RAB11FIP3: variants seen among roughly 807,000 people sequenced by gnomAD.
RAB11FIP3 encodes the protein RAB11 family interacting protein 3.
Under a neutral mutation model 77.8 loss-of-function variants are expected in RAB11FIP3, and 17 were observed. The observed-to-expected ratio is 0.22, with a 90% CI of 0.15 to 0.33. RAB11FIP3 has a LOEUF of 0.33. RAB11FIP3 is among the 10% of genes least tolerant of loss of function. The probability of loss-of-function intolerance (pLI) is 1.00; values close to 1 mark genes in which losing one functional copy is unlikely to be tolerated. For synonymous variants in RAB11FIP3, 437 were observed against 448.2 expected (o/e 0.98, Z 0.31); for missense variants, 1,005 against 1,011.2 (o/e 0.99, Z 0.08).
chr16:496,781 GTCTGT>G (rs1253097568), intron 5 of RAB11FIP3, 38 bp from the exon 6 acceptor site: 5 of 1,544,624 alleles, frequency 3.2e-6, no homozygotes, highest in Non-Finnish European at 4.5e-6. Context: ...GCTCCTCTCT[GTCTGT>G]TCTAACAATT....
intron 6 of RAB11FIP3, among the ~76,000 whole-genome samples, chr16:500,425 G>A (rs990390830): frequency 6.6e-5 from 10 of 152,112 alleles, no homozygotes; most frequent in Non-Finnish European, 1.2e-4. Context: ...GTTCACGCCT[G>A]TACTCCCAGC....
Position 458,495 on chromosome 16 carries a change from C to CTGGGGGGCCTTCCTCAGATTCACT in RAB11FIP3, c.715-2909_715-2908insTGGGGGGCCTTCCTCAGATTCACT, listed in dbSNP as rs2055542939. 1.2e-4 allele frequency among the ~76,000 whole-genome samples: 4 copies of CTGGGGGGCCTTCCTCAGATTCACT among 32,016 alleles called. 1 individual carries two copies. Among genetic ancestry groups the CTGGGGGGCCTTCCTCAGATTCACT allele is most frequent in the African/African-American group, 3.2e-4 (4 of 12,586 alleles). The allele number at this position is 32,016 out of a possible 152,430, so 21.0% of individuals were successfully genotyped here. On this transcript the variant is annotated intron_variant, in intron 1 of 13. Coordinates refer to ENST00000262305, the MANE Select transcript of RAB11FIP3 (RefSeq NM_014700.4). ...CCTGGGGGGCCTTCCTCGGGTTCACCGATGCCCACAGGGCCTGGGGGGCCT... is the reference window on the plus strand; with the variant it reads ...CCTGGGGGGCCTTCCTCGGGTTCACCTGGGGGGCCTTCCTCAGATTCACTGATGCCCACAGGGCCTGGGGGGCCT...
At position 522,509 on chromosome 16, in the gene RAB11FIP3, G is replaced by C. The variant is rs920459637; in HGVS notation, c.*1670G>C. On this transcript the variant is annotated 3_prime_UTR_variant, in exon 14 of 14. Coordinates refer to ENST00000262305, the MANE Select transcript of RAB11FIP3 (RefSeq NM_014700.4). ...CAGAGGCCGGCTTCTTCCTCCAGGG[G>C]GGCCACAGGGTGGGGTGGGAGTCTT... 6.6e-6 allele frequency: 1 copy of C among 152,214 alleles called. No individual in the cohort carries two copies. The highest frequency in any genetic ancestry group is 2.4e-5 in the African/African-American group (1 of 41,450). 9.4% of individuals were successfully genotyped at this position (152,214 alleles called of 1,614,324 possible). A position where few individuals can be genotyped will look rare whatever the true frequency, so the allele number is the denominator to read the frequency against.
At chr16:441,729 CCCTT>C (rs2055230228) in intron 1 of RAB11FIP3, among the ~76,000 whole-genome samples, 2 of 152,192 alleles carry the variant, frequency 1.3e-5, no homozygotes, top group Non-Finnish European at 2.9e-5. Context: ...ACACCAGGCA[CCCTT>C]CCTTCTGTGA....
At chr16:430,921 A>C (rs11859979) in intron 1 of RAB11FIP3, among the ~76,000 whole-genome samples, 12,105 of 152,286 alleles carry the variant, frequency 0.079, 554 homozygotes, top group East Asian at 0.2. Flanking sequence ...TCCCAGGCTC[A>C]AGCGACCGTC....
chr16:455,727 C>G (rs1423403469), intron 1 of RAB11FIP3, among the ~76,000 whole-genome samples: 1 of 152,092 alleles, frequency 6.6e-6, no homozygotes, highest in Non-Finnish European at 1.5e-5. Context: ...TTCCAAGTAG[C>G]TGGAACTACT....
intron 2 of RAB11FIP3, among the ~76,000 whole-genome samples, chr16:468,154 A>T (rs113559529): frequency 4.5e-4 from 22 of 49,286 alleles, no homozygotes; most frequent in East Asian, 2.5e-3. Flanking sequence ...GAGGAGGTGC[A>T]GGGGCCTCAG....
Position 519,027 on chromosome 16 carries a change from G to C in RAB11FIP3, c.1722+3G>C, listed in dbSNP as rs1199433606. 6.2e-7 allele frequency: 1 copy of C among 1,613,116 alleles called. No individual in the cohort carries two copies. The highest frequency in any genetic ancestry group is 2.2e-5 in the East Asian group (1 of 44,886). ...CCAACATTGAGCGTCTGGAGGAGGTGAGCTGCCAACAGCCTGGAGCTGTGG... is the reference window on the plus strand; with the variant it reads ...CCAACATTGAGCGTCTGGAGGAGGTCAGCTGCCAACAGCCTGGAGCTGTGG... On this transcript the variant is annotated splice_donor_region_variant and intron_variant, in intron 10 of 13. Transcript: ENST00000262305.
At chr16:516,043 C>T (rs757387100) in intron 9 of RAB11FIP3, among the ~76,000 whole-genome samples, 6 of 152,184 alleles carry the variant, frequency 3.9e-5, no homozygotes, top group Admixed American at 6.5e-5. Flanking sequence ...GTGCCTGTCC[C>T]GGGCACCCCG....
chr16:486,625 C>T (rs886773687), intron 4 of RAB11FIP3, among the ~76,000 whole-genome samples: 1 of 152,268 alleles, frequency 6.6e-6, no homozygotes, highest in Non-Finnish European at 1.5e-5. Context: ...CGTCTGGGTG[C>T]AGACCGTCCG....
chr16:471,883 G>A lies in RAB11FIP3; in HGVS notation c.903+494G>A, dbSNP rs2055815990. ...TGTTCTCAACATAGCTGGGGAGAGG[G>A]TCTTCGAGCACAGCCGTGGTCGACA... On this transcript the variant is annotated intron_variant, in intron 3 of 13. Coordinates refer to ENST00000262305, the MANE Select transcript of RAB11FIP3 (RefSeq NM_014700.4). This position sits in a 1 kb window ranked among gnomAD's most constrained non-coding sequence, Gnocchi z 4.4. 6.6e-6 allele frequency among the ~76,000 whole-genome samples: 1 copy of A among 152,148 alleles called. No homozygotes were observed. The highest frequency in any genetic ancestry group is 6.5e-5 in the Admixed American group (1 of 15,286).
At chr16:437,726 A>G (rs2055154602) in intron 1 of RAB11FIP3, among the ~76,000 whole-genome samples, 1 of 152,168 alleles carries the variant, frequency 6.6e-6, no homozygotes, top group African/African-American at 2.4e-5. Context: ...AGCGCGCAAG[A>G]CTGTTATGTC....
intron 6 of RAB11FIP3, among the ~76,000 whole-genome samples, chr16:502,303 A>G (rs937494435): frequency 6.6e-6 from 1 of 152,232 alleles, no homozygotes; most frequent in African/African-American, 2.4e-5. Flanking sequence ...GCCGCAGCCT[A>G]TGGGCCTTTG....
chr16:512,048 G>A (rs905330896), intron 9 of RAB11FIP3, among the ~76,000 whole-genome samples: 33 of 151,608 alleles, frequency 2.2e-4, no homozygotes, highest in South Asian at 6.3e-4. Flanking sequence ...CCCCAGAACC[G>A]GCAGTGGCTA....
chr16:460,234 A>G (rs767568633), intron 1 of RAB11FIP3, among the ~76,000 whole-genome samples: 15 of 152,120 alleles, frequency 9.9e-5, no homozygotes, highest in Non-Finnish European at 2.2e-4. Context: ...AAGTCATTTA[A>G]CAGATATATG....
intron 5 of RAB11FIP3, among the ~76,000 whole-genome samples, chr16:494,541 G>T (rs1401368519): frequency 6.6e-6 from 1 of 151,848 alleles, no homozygotes; most frequent in Non-Finnish European, 1.5e-5. Context: ...AGAATGGCGT[G>T]AACCCGGGAG....
rs148140351 is a variant in RAB11FIP3, at chr16:453,321, G to A, written c.715-8083G>A. On this transcript the variant is annotated intron_variant, in intron 1 of 13. Coordinates refer to ENST00000262305, the MANE Select transcript of RAB11FIP3 (RefSeq NM_014700.4). ...AATCTCCTGACTTCGTGATCCACTC[G>A]CCTTGGCCTCCCAAAGTGTTGGGAT... is the stretch of plus-strand genomic sequence containing the variant. 2,179 of 152,268 alleles carry A rather than the reference G, an allele frequency of 0.014. 88 individuals carry two copies. In the East Asian group the frequency reaches 0.15, roughly 10 times the overall value. 9.4% of individuals were successfully genotyped at this position (152,268 alleles called of 1,614,324 possible). A position where few individuals can be genotyped will look rare whatever the true frequency, so the allele number is the denominator to read the frequency against.
At chr16:454,455 T>G (rs2141623875) in intron 1 of RAB11FIP3, among the ~76,000 whole-genome samples, 1 of 152,292 alleles carries the variant, frequency 6.6e-6, no homozygotes, top group Non-Finnish European at 1.5e-5. Context: ...CACTCACCTC[T>G]AGTCCCAGCT....
intron 1 of RAB11FIP3, among the ~76,000 whole-genome samples, chr16:456,061 C>T (rs2055497676): frequency 6.6e-6 from 1 of 151,908 alleles, no homozygotes; most frequent in Non-Finnish European, 1.5e-5. Flanking sequence ...GGCACGGTGG[C>T]TCGCTCACAC....
Sources: gnomAD v4.1 joint callset for allele counts (sites outside exome capture counted in the v4.1 genomes callset) on GRCh38, gnomAD v4.1.1 for gene constraint, Gnocchi (gnomAD v3.1) non-coding constraint, MANE v1.5 for transcripts, NCBI Gene and HGNC (gene_info 2026-07-23, HGNC 2026-07-21) for gene names.